Variants in RIMOC1 observed in about 807,000 individuals in gnomAD.
RIMOC1 encodes RAB7A-interacting MON1-CCZ1 complex subunit 1.
chr5:41,917,568 C>G, the RIMOC1 span: 1 of 1,086,634 alleles, frequency 9.2e-7, no homozygotes, highest in Admixed American at 5.2e-5. Context: ...AGTAGTAACC[C>G]AATTTAGCTT....
the RIMOC1 span, chr5:41,911,111 T>C: frequency 5.6e-6 from 9 of 1,610,834 alleles, no homozygotes; most frequent in Non-Finnish European, 7.6e-6. Context: ...AGCCCTGCTG[T>C]ATATGTATTG....
the RIMOC1 span, chr5:41,904,359 A>G: frequency 6.2e-7 from 1 of 1,613,350 alleles, no homozygotes; most frequent in Non-Finnish European, 8.5e-7. Flanking sequence ...GCACCCGCCG[A>G]TTGTGGCCAT....
the RIMOC1 span, among the ~76,000 whole-genome samples, chr5:41,905,567 G>T: frequency 1.3e-5 from 2 of 152,230 alleles, no homozygotes; most frequent in African/African-American, 4.8e-5. Context: ...ACTGTGCCAG[G>T]CCAGGAGTGT....
chr5:41,904,753 G>C, the RIMOC1 span, among the ~76,000 whole-genome samples: 74 of 152,216 alleles, frequency 4.9e-4, no homozygotes, highest in Non-Finnish European at 7.5e-4. Flanking sequence ...TTGGAAGAAG[G>C]GCAGAATCTA....
At chr5:41,904,418 T>C in the RIMOC1 span, 3 of 1,614,082 alleles carry the variant, frequency 1.9e-6, no homozygotes, top group Non-Finnish European at 2.5e-6. Context: ...AGCTCGGGGA[T>C]CTGGCTCAGG....
chr5:41,914,489 A>ACAAAACAAAAC, the RIMOC1 span, among the ~76,000 whole-genome samples: 1 of 147,848 alleles, frequency 6.8e-6, no homozygotes, highest in Admixed American at 6.6e-5. Context: ...ACAAAACAAA[A>ACAAAACAAAAC]CAAAACAAAA....
chr5:41,906,902 G>A, the RIMOC1 span, among the ~76,000 whole-genome samples: 1 of 152,166 alleles, frequency 6.6e-6, no homozygotes, highest in Non-Finnish European at 1.5e-5. Context: ...GTTTCAGAAG[G>A]GAAGCACTGA....
At chr5:41,920,864 C>A in the RIMOC1 span, 1 of 152,132 alleles carries the variant, frequency 6.6e-6, no homozygotes, top group Non-Finnish European at 1.5e-5. Context: ...TTGAGTGATA[C>A]CTAAAGGCCT....
At chr5:41,921,157 G>A in the RIMOC1 span, 4 of 152,542 alleles carry the variant, frequency 2.6e-5, no homozygotes, top group Admixed American at 6.5e-5. Context: ...GGTGAGGGTC[G>A]TGGCTAAAAC....
chr5:41,912,978 T>C, the RIMOC1 span, among the ~76,000 whole-genome samples: 1 of 152,188 alleles, frequency 6.6e-6, no homozygotes, highest in Non-Finnish European at 1.5e-5. Context: ...CATTCTTCTT[T>C]AAAACCAGAC....
chr5:41,915,001 AT>A, the RIMOC1 span, among the ~76,000 whole-genome samples: 2 of 152,124 alleles, frequency 1.3e-5, no homozygotes, highest in Non-Finnish European at 2.9e-5. Context: ...CTTGGTGATA[AT>A]TTACCTAATT....
the RIMOC1 span, among the ~76,000 whole-genome samples, chr5:41,913,411 A>G: frequency 6.6e-6 from 1 of 152,202 alleles, no homozygotes; most frequent in Non-Finnish European, 1.5e-5. Flanking sequence ...TGAAAATTCT[A>G]GGAACTGAAT....
chr5:41,912,752 A>T, the RIMOC1 span, among the ~76,000 whole-genome samples: 1 of 152,180 alleles, frequency 6.6e-6, no homozygotes, highest in Non-Finnish European at 1.5e-5. Flanking sequence ...TTCCTCCCTC[A>T]ACACCTGGGG....
At chr5:41,917,543 A>G in the RIMOC1 span, 1 of 1,163,076 alleles carries the variant, frequency 8.6e-7, no homozygotes, top group Non-Finnish European at 1.1e-6. Context: ...TACAGATGTT[A>G]TGTCACTAAT....
the RIMOC1 span, among the ~76,000 whole-genome samples, chr5:41,910,521 T>C: frequency 1.3e-5 from 2 of 152,026 alleles, no homozygotes; most frequent in African/African-American, 4.8e-5. Flanking sequence ...AAGCAAATAA[T>C]TTCTCATCTT....
At chr5:41,909,296 C>T in the RIMOC1 span, among the ~76,000 whole-genome samples, 13 of 152,032 alleles carry the variant, frequency 8.6e-5, no homozygotes, top group African/African-American at 3.1e-4. Flanking sequence ...TATTGGGTGG[C>T]AGGATACATA....
chr5:41,904,345 G>GGGCGCACCCGCCGATTGTGGCCAT, the RIMOC1 span: 42 of 1,611,384 alleles, frequency 2.6e-5, no homozygotes, highest in Non-Finnish European at 3.6e-5. Flanking sequence ...CACGTGACCG[G>GGGCGCACCCGCCGATTGTGGCCAT]GGCGCACCCG....
chr5:41,916,905 A>G, the RIMOC1 span: 1 of 924,218 alleles, frequency 1.1e-6, no homozygotes, highest in African/African-American at 1.7e-5. Flanking sequence ...TGTTAAAGTG[A>G]GAATAGAAAA....
At chr5:41,918,459 C>G in the RIMOC1 span, 1 of 985,468 alleles carries the variant, frequency 1.0e-6, no homozygotes, top group Non-Finnish European at 1.2e-6. Flanking sequence ...CCACCCTCAG[C>G]TTTATGGGAT....
Sources: allele counts gnomAD v4.1 joint callset (sites outside exome capture counted in the v4.1 genomes callset), GRCh38; gene constraint gnomAD v4.1.1; transcripts MANE v1.5; gene names NCBI Gene and HGNC (gene_info 2026-07-23, HGNC 2026-07-21).